Variants in SLC26A7 observed in about 807,000 individuals in gnomAD.
SLC26A7 encodes anion exchange transporter.
In SLC26A7, 59 loss-of-function variants were observed where a neutral mutation model predicts 82.5. The observed-to-expected ratio is 0.72, with a 90% CI of 0.58 to 0.89. The LOEUF (loss-of-function observed/expected upper bound fraction) is 0.89. Ranked by LOEUF, SLC26A7 falls within the 40% of genes least tolerant of loss-of-function variation. The pLI is 0.00. For synonymous variants in SLC26A7, 271 were observed against 274.3 expected, an observed-to-expected ratio of 0.99 and a Z score of 0.12; for missense variants, 820 against 793.0, an observed-to-expected ratio of 1.03 and a Z score of -0.41.
intron 12 of SLC26A7, among the ~76,000 whole-genome samples, chr8:91,363,217 A>T (rs1463709864): frequency 1.3e-5 from 2 of 151,986 alleles, no homozygotes; most frequent in Non-Finnish European, 2.9e-5. Context: ...TCTCTTTTAA[A>T]ATTCTTCTTT....
intron 4 of SLC26A7, among the ~76,000 whole-genome samples, chr8:91,317,120 A>G (rs1208688887): frequency 1.3e-5 from 2 of 150,332 alleles, no homozygotes; most frequent in Non-Finnish European, 3.0e-5. Context: ...TGGTCATGGC[A>G]CTGTACTCCA....
intron 2 of SLC26A7, among the ~76,000 whole-genome samples, chr8:91,262,034 C>T (rs1018237470): frequency 3.9e-5 from 6 of 152,016 alleles, no homozygotes; most frequent in Non-Finnish European, 7.4e-5. Context: ...TCAGAGTGTT[C>T]AACTTTGACC....
intron 2 of SLC26A7, among the ~76,000 whole-genome samples, chr8:91,265,473 A>G (rs932661917): frequency 6.6e-6 from 1 of 152,020 alleles, no homozygotes; most frequent in Non-Finnish European, 1.5e-5. Flanking sequence ...ACAATTTTCC[A>G]TAATGGCTAT....
intron 11 of SLC26A7, among the ~76,000 whole-genome samples, chr8:91,358,333 T>TC (rs1254120297): frequency 2.7e-5 from 4 of 149,808 alleles, no homozygotes; most frequent in Non-Finnish European, 4.5e-5. Context: ...CTTTTTCTTT[T>TC]TTTTTTTTTT....
chr8:91,356,904 C>T (rs529684183), intron 11 of SLC26A7, among the ~76,000 whole-genome samples: 1 of 152,184 alleles, frequency 6.6e-6, no homozygotes, highest in South Asian at 2.1e-4. Flanking sequence ...CATAGGAGAG[C>T]AGGAGGTCGT....
chr8:91,259,752 A>G (rs1029958420), intron 2 of SLC26A7, among the ~76,000 whole-genome samples: 7 of 152,022 alleles, frequency 4.6e-5, no homozygotes, highest in African/African-American at 1.4e-4. Context: ...ATAACCTACC[A>G]TATTTCAGGA....
chr8:91,217,475 T>C (rs1234162447), intron 1 of SLC26A7, among the ~76,000 whole-genome samples: 1 of 152,184 alleles, frequency 6.6e-6, no homozygotes, highest in Non-Finnish European at 1.5e-5. Context: ...CTTCTCCCAA[T>C]AGATGCAGAG....
intron 2 of SLC26A7, among the ~76,000 whole-genome samples, chr8:91,261,484 C>A (rs1446165668): frequency 6.6e-6 from 1 of 151,908 alleles, no homozygotes; most frequent in Non-Finnish European, 1.5e-5. Context: ...CCCAGGGAGT[C>A]GCCAAAGAAT....
intron 2 of SLC26A7, among the ~76,000 whole-genome samples, chr8:91,252,959 G>GAGTGACCTTGGAGATCCACATATTTAAAT (rs527676711): frequency 8.3e-4 from 127 of 152,194 alleles, no homozygotes; most frequent in African/African-American, 2.9e-3. Flanking sequence ...CTTGGTTCCT[G>GAGTGACCTTGGAGATCCACATATTTAAAT]AGTGACCTTG....
At chr8:91,314,870 T>TACAAG (rs2130803504) in intron 4 of SLC26A7, among the ~76,000 whole-genome samples, 1 of 152,338 alleles carries the variant, frequency 6.6e-6, no homozygotes, top group African/African-American at 2.4e-5. Flanking sequence ...TAGGTTCCCA[T>TACAAG]GTTTTTTAAT....
chr8:91,360,129 C>T (rs1188089117), intron 11 of SLC26A7, among the ~76,000 whole-genome samples: 1 of 151,982 alleles, frequency 6.6e-6, no homozygotes, highest in Non-Finnish European at 1.5e-5. Context: ...ACATTGGATA[C>T]AGAATTCAGA....
At chr8:91,263,997 A>G (rs1811041567) in intron 2 of SLC26A7, among the ~76,000 whole-genome samples, 3 of 152,036 alleles carry the variant, frequency 2.0e-5, no homozygotes, top group Non-Finnish European at 4.4e-5. Context: ...ACTGAAGTTC[A>G]GAGAGGTTAA....
intron 15 of SLC26A7, among the ~76,000 whole-genome samples, chr8:91,375,911 T>G (rs1814503549): frequency 6.6e-6 from 1 of 152,116 alleles, no homozygotes; most frequent in Non-Finnish European, 1.5e-5. Context: ...ATTTCAAATT[T>G]CTTAAAGGCT....
At chr8:91,391,331 A>C (rs1814962999) in intron 16 of SLC26A7, among the ~76,000 whole-genome samples, 1 of 152,188 alleles carries the variant, frequency 6.6e-6, no homozygotes, top group African/African-American at 2.4e-5. Context: ...ATTTTGTAAA[A>C]ATGAGGCAGC....
At chr8:91,239,692 G>T (rs1387264864) in intron 2 of SLC26A7, among the ~76,000 whole-genome samples, 1 of 152,000 alleles carries the variant, frequency 6.6e-6, no homozygotes, top group Non-Finnish European at 1.5e-5. Context: ...TCTCCACTCT[G>T]CATTTCAGTA....
intron 5 of SLC26A7, among the ~76,000 whole-genome samples, chr8:91,322,479 C>T (rs920444604): frequency 1.3e-5 from 2 of 152,102 alleles, no homozygotes; most frequent in Admixed American, 6.5e-5. Context: ...GTTGGTTCCT[C>T]ACACAGATAA....
intron 4 of SLC26A7, 77 bp from the exon 5 acceptor site, chr8:91,318,139 G>A (rs1167628117): frequency 8.3e-7 from 1 of 1,198,262 alleles, no homozygotes; most frequent in South Asian, 1.5e-5. Context: ...AAATGAGAAT[G>A]TGTCAAATAT....
At chr8:91,346,538 A>G (rs1377074194) in intron 9 of SLC26A7, among the ~76,000 whole-genome samples, 1 of 152,192 alleles carries the variant, frequency 6.6e-6, no homozygotes, top group Non-Finnish European at 1.5e-5. Context: ...TAGGCTAATG[A>G]CAACCAATCA....
intron 4 of SLC26A7, among the ~76,000 whole-genome samples, chr8:91,304,803 C>T (rs1812259130): frequency 6.6e-6 from 1 of 152,136 alleles, no homozygotes; most frequent in Non-Finnish European, 1.5e-5. Context: ...AGCATGTGTA[C>T]TGGGCATGTG....
Sources: gnomAD v4.1 joint callset for allele counts (sites outside exome capture counted in the v4.1 genomes callset) on GRCh38, gnomAD v4.1.1 for gene constraint, MANE v1.5 for transcripts, NCBI Gene and HGNC (gene_info 2026-07-23, HGNC 2026-07-21) for gene names.